Variants in ARID3B observed in about 807,000 individuals in gnomAD.
ARID3B encodes AT-rich interactive domain-containing protein 3B.
In ARID3B, 10 loss-of-function variants were observed where a neutral mutation model predicts 51.9. The observed-to-expected ratio is 0.19, with a 90% CI of 0.12 to 0.33. The LOEUF (loss-of-function observed/expected upper bound fraction) is 0.33. Among genes scored for constraint, ARID3B ranks in the 10% least tolerant of loss-of-function variants. The probability of loss-of-function intolerance (pLI) is 1.00; values close to 1 mark genes in which losing one functional copy is unlikely to be tolerated. For synonymous variants in ARID3B, 205 were observed against 279.5 expected (o/e 0.73, Z 2.66); for missense variants, 483 against 716.3 (o/e 0.67, Z 3.72).
intron 4 of ARID3B, among the ~76,000 whole-genome samples, chr15:74,580,784 G>T (rs1287125757): frequency 6.6e-6 from 1 of 152,218 alleles, no homozygotes; most frequent in Non-Finnish European, 1.5e-5. Flanking sequence ...CTTTGGAGAA[G>T]CAGGCAAACC....
In ARID3B at chr15:74,589,835, G is replaced by A; in HGVS notation, c.713G>A (p.Arg238Gln). ...FMQKRGTPIN[R>Q]IPIMAKQILD... ...ACAACCACAGGGACCCCCATCAACC[G>A]AATCCCCATCATGGCCAAACAGATC... Residue 238 changes from arginine (R) to glutamine (Q), a missense_variant, in exon 5 of 9, where the codon CGA becomes CAA. Around this residue, in one of 3 missense-constraint regions of ARID3B, gnomAD observed 36 missense variants for 117.5 expected, o/e 0.31. Transcript: ENST00000346246. The A allele has an allele frequency of 1.2e-6, 2 of 1,610,126 alleles. No homozygotes were observed. The highest frequency in any genetic ancestry group is 1.7e-6 in the Non-Finnish European group (2 of 1,177,398).
At position 74,597,767 on chromosome 15, in the gene ARID3B, C is replaced by T. The variant is rs1409041289; in HGVS notation, c.*1993C>T. ...TGTGTCTTTCCGGTCATTGGATCCT[C>T]TCCCTTTCCCCAGGCAGCTCGCCTG... On this transcript the variant is annotated 3_prime_UTR_variant, in exon 9 of 9. Transcript: ENST00000346246. 3 of 458,302 alleles carry T rather than the reference C, an allele frequency of 6.5e-6. No homozygotes were observed. The East Asian group carries it at 1.2e-4, about 18-fold the overall frequency. 28.4% of individuals were successfully genotyped at this position (458,302 alleles called of 1,614,324 possible).
chr15:74,568,179 G>A (rs564247893), intron 2 of ARID3B, among the ~76,000 whole-genome samples: 2 of 152,186 alleles, frequency 1.3e-5, no homozygotes, highest in South Asian at 4.1e-4. Flanking sequence ...GCTGCTTTTC[G>A]TTTGGCTAAA....
rs534871429 is a variant in ARID3B, at chr15:74,591,219, C to A, written c.950C>A (p.Ala317Glu). ...KALSSPAELQAAIDGNRREGR... is the reference protein window; with the variant it reads ...KALSSPAELQEAIDGNRREGR... ...TTGAGTTCCCCAGCCGAGCTCCAGG[C>A]AGCAATTGATGGCAACCGCAGGGAG... Residue 317 changes from alanine to glutamate, a missense_variant, in exon 6 of 9, where the codon GCA becomes GAA. Ala to Glu is a moderately radical substitution (Grantham distance 107, BLOSUM62 -1). This residue lies in a region of ARID3B where 265 missense variants were observed against 354.4 expected (regional missense o/e 0.75). Transcript: ENST00000346246. This position sits in a 1 kb window ranked among gnomAD's most constrained non-coding sequence, Gnocchi z 5.8. The A allele has an allele frequency of 3.1e-6, 5 of 1,613,654 alleles. No individual in the cohort carries two copies. Among genetic ancestry groups the A allele is most frequent in the African/African-American group, 2.7e-5 (2 of 75,036 alleles).
chr15:74,545,068 A>G, intron 2 of ARID3B, among the ~76,000 whole-genome samples: 1 of 152,204 alleles, frequency 6.6e-6, no homozygotes, highest in East Asian at 1.9e-4. Context: ...TAAAGGAAGG[A>G]TGAAGTTGCA....
At chr15:74,573,016 A>G in intron 3 of ARID3B, 83 bp downstream of exon 3, 2 of 1,588,312 alleles carry the variant, frequency 1.3e-6, no homozygotes, top group Non-Finnish European at 1.7e-6. Flanking sequence ...ATAAGGACCA[A>G]GGTAGCCAGT....
At chr15:74,581,626 A>T (rs1031008072) in intron 4 of ARID3B, among the ~76,000 whole-genome samples, 10 of 152,184 alleles carry the variant, frequency 6.6e-5, no homozygotes, top group Admixed American at 5.9e-4. Context: ...CTGTTAAAAA[A>T]ATATACTGGT....
At chr15:74,560,487 T>C (rs1277027941) in intron 2 of ARID3B, among the ~76,000 whole-genome samples, 1 of 152,248 alleles carries the variant, frequency 6.6e-6, no homozygotes, top group Non-Finnish European at 1.5e-5. Flanking sequence ...TGTACTCTGC[T>C]CTGGCAGTCC....
chr15:74,590,461 G>A (rs1226411779), intron 5 of ARID3B, among the ~76,000 whole-genome samples: 7 of 152,160 alleles, frequency 4.6e-5, no homozygotes, highest in Non-Finnish European at 7.3e-5. Flanking sequence ...CTTACCCAGC[G>A]GCAGAGGACC....
In ARID3B at chr15:74,544,430, C is replaced by T; in HGVS notation, c.494C>T (p.Ser165Leu). 6.2e-7 allele frequency: 1 copy of T among 1,614,214 alleles called. No individual in the cohort carries two copies. The highest frequency in any genetic ancestry group is 2.2e-5 in the East Asian group (1 of 44,878). Residue 165 changes from serine to leucine, a missense_variant, in exon 2 of 9, where the codon TCA (serine) becomes TTA (leucine). Physicochemically the swap from Ser to Leu is moderately radical, Grantham distance 145 (BLOSUM62 -2). This residue lies in a region of ARID3B where 182 missense variants were observed against 244.5 expected (regional missense o/e 0.74). Transcript: ENST00000346246. The stretch of plus-strand genomic sequence containing the variant: ...CATACCAAAGATGCTTCCAAGGCCT[C>T]ACCTTCTGTCTCCACAGCAGGACAG... ...EDHTKDASKASPSVSTAGQPN... is the reference protein window; with the variant it reads ...EDHTKDASKALPSVSTAGQPN...
intron 2 of ARID3B, among the ~76,000 whole-genome samples, chr15:74,572,427 A>G (rs1385682834): frequency 6.6e-6 from 1 of 152,170 alleles, no homozygotes; most frequent in African/African-American, 2.4e-5. Flanking sequence ...TTTGACCCTT[A>G]TCACTTACAG....
Position 74,591,303 on chromosome 15 carries a change from C to G in ARID3B, c.1034C>G (p.Ala345Gly). 1 of 1,613,652 alleles carries G rather than the reference C, an allele frequency of 6.2e-7. No individual in the cohort carries two copies. Among genetic ancestry groups the G allele is most frequent in the South Asian group, 1.1e-5 (1 of 91,078 alleles). Residue 345 changes from alanine (A) to glycine (G), a missense_variant, in exon 6 of 9, where the codon GCT becomes GGT. Around this residue, in one of 3 missense-constraint regions of ARID3B, gnomAD observed 265 missense variants for 354.4 expected, o/e 0.75. Coordinates refer to ENST00000346246, the MANE Select transcript of ARID3B (RefSeq NM_006465.4). This position sits in a 1 kb window ranked among gnomAD's most constrained non-coding sequence, Gnocchi z 5.8. ...GGCTACTCACCTGCTGCGGCTACTGCTGCTGCCGCTGCCGGGGCCCCTGCC... is the reference window on the plus strand; with the variant it reads ...GGCTACTCACCTGCTGCGGCTACTGGTGCTGCCGCTGCCGGGGCCCCTGCC... ...LFGYSPAAAT[A>G]AAAAGAPALL...
At chr15:74,554,714 G>C (rs548037622) in intron 2 of ARID3B, among the ~76,000 whole-genome samples, 2 of 152,148 alleles carry the variant, frequency 1.3e-5, no homozygotes, top group South Asian at 4.1e-4. Flanking sequence ...GTCCTTTGCT[G>C]GTCTAGAAAT....
At chr15:74,573,099 C>A in intron 3 of ARID3B, 33 bp from the exon 4 acceptor site, 5 of 1,610,948 alleles carry the variant, frequency 3.1e-6, no homozygotes, top group Non-Finnish European at 4.2e-6. Context: ...GAATTTTTCA[C>A]TGTGTGTTTT....
chr15:74,591,400 C>T lies in ARID3B; in HGVS notation c.1131C>T (p.Ser377=), dbSNP rs751710611. The change falls in exon 6 of 9, where the codon AGC becomes AGT. Residue 377 remains serine (S), a synonymous_variant. Transcript: ENST00000346246. This position sits in a 1 kb window ranked among gnomAD's most constrained non-coding sequence, Gnocchi z 5.8. ...CCAGCAGTGGTACCAATACCAGTAG[C>T]CCTCGGATATCCCCAGCAACCACTC... ...LGSSSGTNTS[S]PRISPATTLR... 3.1e-6 allele frequency: 5 copies of T among 1,608,300 alleles called. No homozygotes were observed. In the Admixed American group the frequency reaches 6.7e-5, roughly 21 times the overall value.
chr15:74,577,808 C>T (rs890095095), intron 4 of ARID3B, among the ~76,000 whole-genome samples: 6 of 152,168 alleles, frequency 3.9e-5, no homozygotes, highest in Admixed American at 1.3e-4. Flanking sequence ...GCTGGGATTA[C>T]AGGCATGAAC....
intron 2 of ARID3B, among the ~76,000 whole-genome samples, chr15:74,567,436 AT>A (rs1046478197): frequency 0.013 from 1,930 of 143,992 alleles, 16 homozygotes; most frequent in Non-Finnish European, 0.021. Flanking sequence ...GGTGGGAACA[AT>A]TTTTTTTTTT....
chr15:74,564,705 A>G (rs935499472), intron 2 of ARID3B, among the ~76,000 whole-genome samples: 65 of 152,124 alleles, frequency 4.3e-4, no homozygotes, highest in African/African-American at 1.4e-3. Context: ...GGCTCAAGCA[A>G]TCCTCCTATC....
Position 74,591,284 on chromosome 15 carries a change from T to C in ARID3B, c.1015T>C (p.Ser339Pro). The C allele has an allele frequency of 6.2e-7, 1 of 1,613,976 alleles. No homozygotes were observed. The highest frequency in any genetic ancestry group is 8.5e-7 in the Non-Finnish European group (1 of 1,179,988). ...CTACAGCTCCTCCCTCTTTGGCTAC[T>C]CACCTGCTGCGGCTACTGCTGCTGC... ...PSYSSSLFGY[S>P]PAAATAAAAA... is the part of the protein sequence containing the mutation. Residue 339 changes from serine (S) to proline (P), a missense_variant, in exon 6 of 9, where the codon TCA (serine) becomes CCA (proline). Coordinates refer to ENST00000346246, the MANE Select transcript of ARID3B (RefSeq NM_006465.4). The surrounding 1 kb of genome is among the most constrained non-coding windows in gnomAD (Gnocchi z 5.8).
Sources: gnomAD v4.1 joint callset for allele counts (sites outside exome capture counted in the v4.1 genomes callset) on GRCh38, gnomAD v4.1.1 for gene constraint, gnomAD v4.1.1 regional missense constraint, Gnocchi (gnomAD v3.1) non-coding constraint, MANE v1.5 for transcripts, NCBI Gene and HGNC (gene_info 2026-07-23, HGNC 2026-07-21) for gene names.